RMST: variants seen among roughly 807,000 people sequenced by gnomAD.
RMST encodes rhabdomyosarcoma 2 associated transcript.
intron 5 of RMST, among the ~76,000 whole-genome samples, chr12:97,481,983 C>T (rs1440597676): frequency 6.6e-6 from 1 of 152,166 alleles, no homozygotes; most frequent in Non-Finnish European, 1.5e-5. Flanking sequence ...TTTGTAAAGC[C>T]ATTCTATTTT....
At chr12:97,497,081 T>A (rs535339851) in intron 10 of RMST, among the ~76,000 whole-genome samples, 5 of 152,310 alleles carry the variant, frequency 3.3e-5, no homozygotes, top group Admixed American at 3.3e-4. Flanking sequence ...TATCCCATCT[T>A]ACCATGGAAT....
intron 11 of RMST, among the ~76,000 whole-genome samples, chr12:97,545,240 T>C (rs150782730): frequency 6.6e-6 from 1 of 152,222 alleles, no homozygotes; most frequent in African/African-American, 2.4e-5. Flanking sequence ...ATGATAACTA[T>C]ATCTCCCCAA....
chr12:97,484,335 T>C (rs1464035566), intron 5 of RMST, among the ~76,000 whole-genome samples: 1 of 152,218 alleles, frequency 6.6e-6, no homozygotes, highest in East Asian at 1.9e-4. Flanking sequence ...GATACCATTC[T>C]GACATGTATC....
intron 5 of RMST, among the ~76,000 whole-genome samples, chr12:97,477,513 A>G (rs1410741633): frequency 6.6e-6 from 1 of 152,206 alleles, no homozygotes; most frequent in African/African-American, 2.4e-5. Context: ...ATTATATAAA[A>G]CAAAATAACA....
Position 97,513,969 on chromosome 12 carries a change from A to G in RMST, n.1341-16686A>G, listed in dbSNP as rs546299524. On this transcript the variant is annotated intron_variant and non_coding_transcript_variant, in intron 10 of 13. Coordinates refer to ENST00000640149, the Ensembl canonical transcript of RMST. The stretch of plus-strand genomic sequence containing the variant: ...TTTGTTCCACTGTAGGACTGGAAGC[A>G]AACAGTGGCAGTTTTTTATGAGGTA... 4.0e-3 allele frequency among the ~76,000 whole-genome samples: 612 copies of G among 152,332 alleles called. 1 individual carries two copies. Among genetic ancestry groups the G allele is most frequent in the Non-Finnish European group, 6.5e-3 (440 of 68,032 alleles).
intron 11 of RMST, among the ~76,000 whole-genome samples, chr12:97,556,056 T>C (rs1379954074): frequency 6.6e-6 from 1 of 152,182 alleles, no homozygotes; most frequent in Non-Finnish European, 1.5e-5. Context: ...CACTTACTGC[T>C]CCCTTGAAAA....
intron 10 of RMST, among the ~76,000 whole-genome samples, chr12:97,504,573 A>G (rs1013843): frequency 0.023 from 3,479 of 152,184 alleles, 128 homozygotes; most frequent in African/African-American, 0.079. Flanking sequence ...AATGATCTAC[A>G]TGTGTAAAGA....
intron 10 of RMST, among the ~76,000 whole-genome samples, chr12:97,517,519 G>A (rs1319863827): frequency 4.6e-5 from 7 of 151,660 alleles, no homozygotes; most frequent in Non-Finnish European, 8.9e-5. Flanking sequence ...TATACACATA[G>A]AAACACTGCT....
intron 11 of RMST, among the ~76,000 whole-genome samples, chr12:97,538,299 G>A (rs1327783809): frequency 1.3e-5 from 2 of 151,322 alleles, no homozygotes; most frequent in Non-Finnish European, 3.0e-5. Context: ...ATTTTCTAGT[G>A]CCCGGTTTTA....
intron 11 of RMST, among the ~76,000 whole-genome samples, chr12:97,542,818 G>T (rs552867368): frequency 1.3e-5 from 2 of 152,034 alleles, no homozygotes; most frequent in Non-Finnish European, 2.9e-5. Context: ...TCATTAGCTT[G>T]TCAAGCTTCT....
rs141029249 is a variant in RMST, at chr12:97,493,544, G to A, written n.899+259G>A. On this transcript the variant is annotated intron_variant and non_coding_transcript_variant, in intron 7 of 13. Transcript: ENST00000640149. Reference sequence around the variant, plus strand: ...ACCACCAAAAATGGACTCCTTGACTGACATTTTATCTGTAATTCAGATCCT... The same window carrying A: ...ACCACCAAAAATGGACTCCTTGACTAACATTTTATCTGTAATTCAGATCCT... Among the ~76,000 whole-genome samples, 190 of 152,216 alleles carry A rather than the reference G, an allele frequency of 1.2e-3. 1 individual carries two copies. The highest frequency in any genetic ancestry group is 4.2e-3 in the African/African-American group (175 of 41,542).
In RMST at chr12:97,545,245, C is replaced by T. The variant is rs1882846877; in HGVS notation, n.1545+14386C>T. ...CATCATCACCATGATAACTATATCT[C>T]CCCAAAATAGTACCAACATTTATGG... On this transcript the variant is annotated intron_variant and non_coding_transcript_variant, in intron 11 of 13. Transcript: ENST00000640149. Among the ~76,000 whole-genome samples, 4 of 152,178 alleles carry T rather than the reference C, an allele frequency of 2.6e-5. No individual in the cohort carries two copies. In the East Asian group the frequency reaches 7.8e-4, roughly 30 times the overall value.
At chr12:97,518,916 C>G (rs925257614) in intron 10 of RMST, among the ~76,000 whole-genome samples, 1 of 151,698 alleles carries the variant, frequency 6.6e-6, no homozygotes, top group African/African-American at 2.4e-5. Flanking sequence ...ACTACAGGCA[C>G]CTGCCACCAT....
chr12:97,545,672 G>T (rs1278497795), intron 11 of RMST, among the ~76,000 whole-genome samples: 1 of 152,032 alleles, frequency 6.6e-6, no homozygotes, highest in Non-Finnish European at 1.5e-5. Context: ...ATAATTAGGG[G>T]ATAGGGCTAG....
At chr12:97,513,061 C>T (rs766843233) in intron 10 of RMST, among the ~76,000 whole-genome samples, 4 of 152,236 alleles carry the variant, frequency 2.6e-5, no homozygotes, top group Non-Finnish European at 5.9e-5. Flanking sequence ...CACGCCCACC[C>T]GGAACTCGCG....
chr12:97,561,659 G>A (rs1044160653), intron 13 of RMST, among the ~76,000 whole-genome samples: 14 of 15,072 alleles, frequency 9.3e-4, no homozygotes, highest in African/African-American at 3.1e-3. Flanking sequence ...TTTTTTTTTT[G>A]TGCCTGGTTT....
At chr12:97,466,903 G>A (rs912899429) in intron 5 of RMST, among the ~76,000 whole-genome samples, 2 of 152,184 alleles carry the variant, frequency 1.3e-5, no homozygotes, top group Middle Eastern at 3.4e-3. Flanking sequence ...AGTATTTCCA[G>A]ATTGCGCCTA....
At chr12:97,512,876 C>T (rs540082662) in intron 10 of RMST, among the ~76,000 whole-genome samples, 1 of 152,172 alleles carries the variant, frequency 6.6e-6, no homozygotes, top group Non-Finnish European at 1.5e-5. Context: ...CAGGAGCCCA[C>T]GGAGGCGAGG....
intron 11 of RMST, among the ~76,000 whole-genome samples, chr12:97,545,395 T>C (rs1212994768): frequency 1.3e-5 from 2 of 152,100 alleles, no homozygotes; most frequent in African/African-American, 4.8e-5. Context: ...AGAGTCTGAC[T>C]CTTAGATGTC....
Sources: allele counts gnomAD v4.1 joint callset (sites outside exome capture counted in the v4.1 genomes callset), GRCh38; gene constraint gnomAD v4.1.1; transcripts MANE v1.5; gene names NCBI Gene and HGNC (gene_info 2026-07-23, HGNC 2026-07-21).